The following RNASEH2B variants were observed in gnomAD, a reference collection of about 807,000 sequenced individuals.
RNASEH2B encodes the protein Aicardi-Goutieres syndrome 2 protein.
RNASEH2B carries 36 observed loss-of-function variants against 45.0 expected under a neutral mutation model. The observed-to-expected ratio is 0.80, with a 90% CI of 0.61 to 1.06. The LOEUF is 1.06. RNASEH2B is among the 50% of genes least tolerant of loss of function. The pLI, the probability that RNASEH2B is intolerant of heterozygous loss-of-function variation, is 0.00. For missense variants in RNASEH2B, 361 were observed against 360.3 expected (o/e 1.00, Z -0.02); for synonymous variants, 119 against 125.7 (o/e 0.95, Z 0.35).
At chr13:50,920,351 G>A (rs73186367) in intron 1 of RNASEH2B, among the ~76,000 whole-genome samples, 9,121 of 152,214 alleles carry the variant, frequency 0.06, 307 homozygotes, top group Middle Eastern at 0.2. Flanking sequence ...CCTAGCCTGT[G>A]GAAGCCCAGC....
At chr13:50,946,295 C>G (rs1022429775) in intron 7 of RNASEH2B, among the ~76,000 whole-genome samples, 1 of 152,160 alleles carries the variant, frequency 6.6e-6, no homozygotes, top group Non-Finnish European at 1.5e-5. Context: ...ATTCATTGTT[C>G]CCTTATTCAG....
At chr13:50,967,455 G>T (rs1952177114) in intron 9 of RNASEH2B, among the ~76,000 whole-genome samples, 1 of 152,204 alleles carries the variant, frequency 6.6e-6, no homozygotes, top group Non-Finnish European at 1.5e-5. Context: ...ACTTTGACAT[G>T]AATTTATGTG....
Position 50,930,807 on chromosome 13 carries a change from A to C in RNASEH2B, c.321+48A>C, listed in dbSNP as rs370521248. On this transcript the variant is annotated intron_variant, in intron 4 of 10. Transcript: ENST00000336617. ...CCACAGTGAGGAAACAGAATCAACTATTTTTGTTTGATCTCCTCTCTCTCC... is the reference window on the plus strand; with the variant it reads ...CCACAGTGAGGAAACAGAATCAACTCTTTTTGTTTGATCTCCTCTCTCTCC... The C allele has an allele frequency of 3.4e-5, 47 of 1,402,036 alleles. No individual in the cohort carries two copies. The African/African-American group carries it at 6.7e-4, about 20-fold the overall frequency. The allele number at this position is 1,402,036 out of a possible 1,614,324, so 86.8% of individuals were successfully genotyped here. A position where few individuals can be genotyped will look rare whatever the true frequency, so the allele number is the denominator to read the frequency against.
intron 4 of RNASEH2B, among the ~76,000 whole-genome samples, chr13:50,933,502 T>C (rs550034182): frequency 1.3e-5 from 2 of 152,368 alleles, no homozygotes; most frequent in East Asian, 1.9e-4. Flanking sequence ...TTAGACATGA[T>C]CATTTCCTAT....
intron 9 of RNASEH2B, among the ~76,000 whole-genome samples, chr13:50,965,128 G>A (rs1042224994): frequency 6.6e-6 from 1 of 152,184 alleles, no homozygotes; most frequent in African/African-American, 2.4e-5. Context: ...CTATCACCTA[G>A]TGAGTTGTAG....
intron 9 of RNASEH2B, among the ~76,000 whole-genome samples, chr13:50,964,393 A>T (rs1480053528): frequency 2.0e-5 from 3 of 152,208 alleles, no homozygotes; most frequent in Admixed American, 2.0e-4. Context: ...TATAGCATTT[A>T]TGTGCTTGGC....
At chr13:50,963,149 A>G (rs1202116126) in intron 9 of RNASEH2B, among the ~76,000 whole-genome samples, 5 of 151,924 alleles carry the variant, frequency 3.3e-5, no homozygotes, top group Admixed American at 2.6e-4. Context: ...TACTTTAAAT[A>G]TTGTAATTTT....
chr13:50,948,280 C>T (rs1951931529), intron 8 of RNASEH2B: 2 of 691,072 alleles, frequency 2.9e-6, no homozygotes, highest in Admixed American at 6.9e-5. Context: ...TAGTGAATGT[C>T]AAGATTGGAA....
intron 1 of RNASEH2B, among the ~76,000 whole-genome samples, chr13:50,923,861 T>C (rs758004511): frequency 2.0e-5 from 3 of 152,190 alleles, no homozygotes; most frequent in Non-Finnish European, 2.9e-5. Context: ...GCTTATAATA[T>C]GTAAAGATGT....
At chr13:50,921,920 G>A (rs1477846845) in intron 1 of RNASEH2B, among the ~76,000 whole-genome samples, 3 of 152,148 alleles carry the variant, frequency 2.0e-5, no homozygotes, top group African/African-American at 7.2e-5. Flanking sequence ...AAAACCAGCA[G>A]TCTTGCAAAA....
downstream of RNASEH2B, among the ~76,000 whole-genome samples, chr13:50,961,229 C>T (rs1952108352): frequency 6.6e-6 from 1 of 151,980 alleles, no homozygotes; most frequent in Non-Finnish European, 1.5e-5. Flanking sequence ...TATTCTGGGA[C>T]TTTGTAAGTA....
chr13:50,961,644 A>G (rs1952112398), downstream of RNASEH2B, among the ~76,000 whole-genome samples: 1 of 152,182 alleles, frequency 6.6e-6, no homozygotes, highest in Admixed American at 6.5e-5. Flanking sequence ...AATGGTATTT[A>G]GAAACCAAGA....
intron 9 of RNASEH2B, among the ~76,000 whole-genome samples, chr13:50,966,179 TACACACATA>T (rs1018930286): frequency 2.0e-5 from 3 of 152,210 alleles, no homozygotes; most frequent in East Asian, 1.9e-4. Context: ...AATGTTCATA[TACACACATA>T]ACACACATAA....
At chr13:50,917,145 A>G (rs1303110656) in intron 1 of RNASEH2B, among the ~76,000 whole-genome samples, 1 of 152,148 alleles carries the variant, frequency 6.6e-6, no homozygotes, top group Non-Finnish European at 1.5e-5. Flanking sequence ...TATTGTAGCC[A>G]GGGAGGGGCA....
intron 5 of RNASEH2B, chr13:50,935,453 G>A (rs548760113): frequency 4.7e-5 from 9 of 189,944 alleles, no homozygotes; most frequent in African/African-American, 1.4e-4. Context: ...TTCACTTTGC[G>A]CCCAGTCTGA....
At chr13:50,944,660 T>A (rs1951878677) in intron 6 of RNASEH2B, among the ~76,000 whole-genome samples, 1 of 151,994 alleles carries the variant, frequency 6.6e-6, no homozygotes, top group South Asian at 2.1e-4. Context: ...TAAATTGTGT[T>A]TATTTGTCAT....
chr13:50,961,207 T>TA (rs1952108163), downstream of RNASEH2B, among the ~76,000 whole-genome samples: 2 of 152,142 alleles, frequency 1.3e-5, no homozygotes, highest in African/African-American at 2.4e-5. Context: ...TAATAAGTAA[T>TA]TTGTGGGTAA....
At chr13:50,963,381 C>T (rs1952131319) in intron 9 of RNASEH2B, among the ~76,000 whole-genome samples, 1 of 152,060 alleles carries the variant, frequency 6.6e-6, no homozygotes, top group Non-Finnish European at 1.5e-5. Context: ...TCAGGCTGGT[C>T]TTGAACTCCC....
chr13:50,965,270 T>TACAA (rs1952154200), intron 9 of RNASEH2B, among the ~76,000 whole-genome samples: 1 of 152,226 alleles, frequency 6.6e-6, no homozygotes, highest in Admixed American at 6.5e-5. Flanking sequence ...TACAGGTTTG[T>TACAA]ACCCCAGGAG....
Sources: gnomAD v4.1 joint callset for allele counts (sites outside exome capture counted in the v4.1 genomes callset) on GRCh38, gnomAD v4.1.1 for gene constraint, MANE v1.5 for transcripts, NCBI Gene and HGNC (gene_info 2026-07-23, HGNC 2026-07-21) for gene names.